EYS: variants seen among roughly 807,000 people sequenced by gnomAD.
EYS encodes protein eyes shut homolog.
A neutral mutation model predicts 282.1 loss-of-function variants in EYS; 250 were observed. The ratio of observed to expected loss-of-function variants is 0.89; its 90% CI spans 0.80 to 0.98. The LOEUF (loss-of-function observed/expected upper bound fraction) is 0.98. Among genes scored for constraint, EYS ranks in the 50% least tolerant of loss-of-function variants. EYS has a pLI of 0.00. For missense variants in EYS, 4,016 were observed against 3,709.0 expected, an observed-to-expected ratio of 1.08 and a Z score of -2.15; for synonymous variants, 1,355 against 1,282.9, an observed-to-expected ratio of 1.06 and a Z score of -1.20.
intron 5 of EYS, among the ~76,000 whole-genome samples, chr6:65,442,806 A>G (rs1236940636): frequency 6.6e-6 from 1 of 151,672 alleles, no homozygotes; most frequent in African/African-American, 2.4e-5. Flanking sequence ...AGACACACAC[A>G]CATGCATATG....
At chr6:64,122,440 T>C (rs976378533) in intron 31 of EYS, among the ~76,000 whole-genome samples, 2 of 152,148 alleles carry the variant, frequency 1.3e-5, no homozygotes, top group Non-Finnish European at 2.9e-5. Context: ...TACTATTCAC[T>C]GATGTGAATA....
chr6:64,209,700 C>T (rs754980739), intron 31 of EYS, among the ~76,000 whole-genome samples: 23 of 152,116 alleles, frequency 1.5e-4, no homozygotes, highest in Admixed American at 2.6e-4. Context: ...TTTAGAACAG[C>T]TCTTGTTCTT....
chr6:65,500,619 C>T (rs1766416718), intron 2 of EYS, among the ~76,000 whole-genome samples: 1 of 151,962 alleles, frequency 6.6e-6, no homozygotes, highest in Non-Finnish European at 1.5e-5. Context: ...TCATTTACTA[C>T]ATCAACTTCT....
chr6:63,819,604 G>C (rs1362639485), intron 36 of EYS, among the ~76,000 whole-genome samples: 1 of 152,180 alleles, frequency 6.6e-6, no homozygotes, highest in African/African-American at 2.4e-5. Flanking sequence ...CTGCCACAGA[G>C]TCTTTAATAT....
intron 31 of EYS, among the ~76,000 whole-genome samples, chr6:64,218,328 G>GT (rs1765995012): frequency 6.6e-6 from 1 of 150,964 alleles, no homozygotes; most frequent in East Asian, 2.0e-4. Flanking sequence ...GAGATTTATT[G>GT]TATCTCTTAC....
chr6:64,265,334 A>G (rs1400921229), intron 30 of EYS, among the ~76,000 whole-genome samples: 3 of 152,172 alleles, frequency 2.0e-5, no homozygotes, highest in African/African-American at 4.8e-5. Context: ...TAATATGTTG[A>G]CACAACTGCT....
At chr6:65,284,040 T>C (rs1443415867) in intron 12 of EYS, among the ~76,000 whole-genome samples, 1 of 151,992 alleles carries the variant, frequency 6.6e-6, no homozygotes, top group Admixed American at 6.6e-5. Flanking sequence ...GATGCACCAG[T>C]ACTCCTGGAA....
In EYS at chr6:65,544,021, TGTGTGTGTGA is replaced by T. The variant is rs773806079; in HGVS notation, c.-332-48038_-332-48029del. 2.7e-3 allele frequency among the ~76,000 whole-genome samples: 366 copies of T among 136,590 alleles called. 2 individuals carry two copies. The highest frequency in any genetic ancestry group is 0.012 in the African/African-American group (350 of 30,206). The allele number at this position is 136,590 out of a possible 152,430, so 89.6% of individuals were successfully genotyped here. A position where few individuals can be genotyped will look rare whatever the true frequency, so the allele number is the denominator to read the frequency against. ...GAGAAAGTGTGTGTGTGTGTGTGTG[TGTGTGTGTGA>T]GAGAGAGAGAGACAAAGACAGAGAG... On this transcript the variant is annotated intron_variant, in intron 2 of 42. Transcript: ENST00000503581.
intron 12 of EYS, among the ~76,000 whole-genome samples, chr6:65,219,649 G>A (rs1292403294): frequency 6.6e-6 from 1 of 151,962 alleles, no homozygotes; most frequent in Non-Finnish European, 1.5e-5. Context: ...TAGCACAGAA[G>A]TCAAAAACAA....
At chr6:64,951,341 G>A (rs558235613) in intron 14 of EYS, among the ~76,000 whole-genome samples, 54 of 151,852 alleles carry the variant, frequency 3.6e-4, no homozygotes, top group Admixed American at 2.0e-3. Context: ...CAGCTTTAAC[G>A]GCATGAAAAC....
At chr6:64,027,714 T>C (rs1189391873) in intron 33 of EYS, among the ~76,000 whole-genome samples, 2 of 152,178 alleles carry the variant, frequency 1.3e-5, no homozygotes, top group Admixed American at 6.5e-5. Flanking sequence ...CCCCCATCTA[T>C]GTCCACTGTG....
chr6:65,434,434 C>A (rs1191427455), intron 5 of EYS, among the ~76,000 whole-genome samples: 1 of 151,770 alleles, frequency 6.6e-6, no homozygotes, highest in Non-Finnish European at 1.5e-5. Context: ...CATTCTCCTG[C>A]CTCAGCCTCC....
chr6:64,101,740 A>G (rs890047264), intron 31 of EYS, among the ~76,000 whole-genome samples: 3 of 152,038 alleles, frequency 2.0e-5, no homozygotes, highest in Admixed American at 6.6e-5. Context: ...ATTCAAGCCC[A>G]TTACGTTTGT....
intron 29 of EYS, among the ~76,000 whole-genome samples, chr6:64,387,443 T>A (rs971863270): frequency 6.6e-6 from 1 of 152,134 alleles, no homozygotes; most frequent in Non-Finnish European, 1.5e-5. Flanking sequence ...TAGTTTTATA[T>A]TAAAATTTAT....
intron 2 of EYS, among the ~76,000 whole-genome samples, chr6:65,541,341 T>G (rs1463136833): frequency 6.6e-6 from 1 of 152,198 alleles, no homozygotes; most frequent in Non-Finnish European, 1.5e-5. Context: ...CAAGTTTGAT[T>G]TCAGAGATTA....
chr6:63,827,726 C>T (rs1450339776), intron 36 of EYS, among the ~76,000 whole-genome samples: 1 of 151,704 alleles, frequency 6.6e-6, no homozygotes, highest in African/African-American at 2.4e-5. Flanking sequence ...CGCCTGTAGT[C>T]CCAGCTACTT....
At chr6:64,172,799 G>A (rs953671578) in intron 31 of EYS, among the ~76,000 whole-genome samples, 2 of 152,104 alleles carry the variant, frequency 1.3e-5, no homozygotes, top group African/African-American at 2.4e-5. Flanking sequence ...GATTCTCATA[G>A]GAGCAGGAAC....
chr6:63,966,847 G>A (rs1336234704), intron 35 of EYS, among the ~76,000 whole-genome samples: 1 of 152,176 alleles, frequency 6.6e-6, no homozygotes, highest in Non-Finnish European at 1.5e-5. Flanking sequence ...CCCCCTGCAA[G>A]GGGTTTATCT....
At chr6:64,213,809 T>G (rs1007891969) in intron 31 of EYS, among the ~76,000 whole-genome samples, 2 of 152,156 alleles carry the variant, frequency 1.3e-5, no homozygotes, top group Admixed American at 1.3e-4. Context: ...GCGAATGGGT[T>G]TAAAATGAAG....
Sources: allele counts gnomAD v4.1 joint callset (sites outside exome capture counted in the v4.1 genomes callset), GRCh38; gene constraint gnomAD v4.1.1; transcripts MANE v1.5; gene names NCBI Gene and HGNC (gene_info 2026-07-23, HGNC 2026-07-21).